Variants in BRF1 observed in about 807,000 individuals in gnomAD.
BRF1 encodes transcription factor IIIB 90 kDa subunit.
BRF1 carries 59 observed loss-of-function variants against 81.7 expected under a neutral mutation model. The ratio of observed to expected loss-of-function variants is 0.72; its 90% CI spans 0.59 to 0.90. The LOEUF (loss-of-function observed/expected upper bound fraction) is 0.90. Among genes scored for constraint, BRF1 ranks in the 40% least tolerant of loss-of-function variants. BRF1 has a pLI of 0.00. For missense variants in BRF1, 1,050 were observed against 936.3 expected (o/e 1.12, Z -1.58); for synonymous variants, 491 against 395.6 (o/e 1.24, Z -2.86).
chr14:105,285,814 C>A (rs1226987624), intron 2 of BRF1, among the ~76,000 whole-genome samples: 1 of 152,226 alleles, frequency 6.6e-6, no homozygotes, highest in Non-Finnish European at 1.5e-5. Context: ...CATAAAATCA[C>A]ACATCCGATA....
intron 16 of BRF1, chr14:105,211,502 C>T: frequency 3.5e-6 from 2 of 563,858 alleles, no homozygotes; most frequent in Non-Finnish European, 6.2e-6. Context: ...AAGATCCCAC[C>T]CTCAGGCCTC....
intron 5 of BRF1, among the ~76,000 whole-genome samples, chr14:105,246,584 C>T (rs2055125165): frequency 1.3e-5 from 2 of 152,138 alleles, no homozygotes; most frequent in South Asian, 4.1e-4. Flanking sequence ...ATTCTCCTTC[C>T]TTGGCCTCCC....
At chr14:105,300,170 C>T (rs1555392721) in intron 1 of BRF1, among the ~76,000 whole-genome samples, 1 of 152,264 alleles carries the variant, frequency 6.6e-6, no homozygotes, top group Non-Finnish European at 1.5e-5. Context: ...GAGGGGCCTT[C>T]TGGGCTCCCC....
At chr14:105,249,298 C>CCGGGCTG in intron 5 of BRF1, 1 of 1,579,002 alleles carries the variant, frequency 6.3e-7, no homozygotes, top group Non-Finnish European at 8.6e-7. Flanking sequence ...GCCCCGTCCG[C>CCGGGCTG]CGTGTGGCTG....
intron 7 of BRF1, chr14:105,227,621 C>G (rs987692130): frequency 6.6e-6 from 1 of 152,306 alleles, no homozygotes; most frequent in Admixed American, 6.5e-5. Flanking sequence ...CAAGAGAACC[C>G]CAATCCTAGG....
At chr14:105,245,464 C>T (rs1248924784) in intron 5 of BRF1, among the ~76,000 whole-genome samples, 1 of 151,958 alleles carries the variant, frequency 6.6e-6, no homozygotes, top group East Asian at 1.9e-4. Flanking sequence ...GGCAAAGGGA[C>T]TAATAAGAAA....
At chr14:105,270,750 C>T (rs1396114139) in intron 3 of BRF1, among the ~76,000 whole-genome samples, 1 of 151,596 alleles carries the variant, frequency 6.6e-6, no homozygotes, top group African/African-American at 2.4e-5. Flanking sequence ...GAGATACTAC[C>T]ACTGCACTCC....
chr14:105,211,088 C>A, intron 17 of BRF1, 34 bp downstream of exon 17: 1 of 1,609,502 alleles, frequency 6.2e-7, no homozygotes, highest in South Asian at 1.1e-5. Context: ...CTTTATTTCC[C>A]TTGAACCCCT....
chr14:105,314,275 G>GGGGGCGGGGAGACTCGGGGC (rs1261102856), intron 1 of BRF1: 36 of 152,244 alleles, frequency 2.4e-4, no homozygotes, highest in African/African-American at 8.7e-4. Context: ...GCGAGGGCAG[G>GGGGGCGGGGAGACTCGGGGC]GGGGCGGGGA....
At chr14:105,287,633 G>A (rs961285318) in intron 1 of BRF1, among the ~76,000 whole-genome samples, 1 of 152,204 alleles carries the variant, frequency 6.6e-6, no homozygotes, top group Admixed American at 6.5e-5. Context: ...GCCCTCCAGG[G>A]AAACCATGAG....
At chr14:105,272,691 C>T in intron 3 of BRF1, 30 bp downstream of exon 3, 1 of 1,568,820 alleles carries the variant, frequency 6.4e-7, no homozygotes, top group African/African-American at 1.3e-5. Context: ...AAGATGGGGC[C>T]CTCTGGGAGG....
Position 105,209,320 on chromosome 14 carries a change from C to G in BRF1, c.*1231G>C. On this transcript the variant is annotated 3_prime_UTR_variant, in exon 18 of 18. Coordinates refer to ENST00000547530, the MANE Select transcript of BRF1 (RefSeq NM_001519.4). ...AGTAACAACAGATCTTCCTGCTTTACTAAATCTATTCTTCCCCCAAGCCCT... is the reference window on the plus strand; with the variant it reads ...AGTAACAACAGATCTTCCTGCTTTAGTAAATCTATTCTTCCCCCAAGCCCT... 1.8e-6 allele frequency: 1 copy of G among 546,194 alleles called. No individual in the cohort carries two copies. The highest frequency in any genetic ancestry group is 3.3e-6 in the Non-Finnish European group (1 of 305,530). 33.8% of individuals were successfully genotyped at this position (546,194 alleles called of 1,614,324 possible).
At chr14:105,285,358 T>C (rs1228821432) in intron 2 of BRF1, among the ~76,000 whole-genome samples, 1 of 152,372 alleles carries the variant, frequency 6.6e-6, no homozygotes, top group South Asian at 2.1e-4. Context: ...AATGAGCTTT[T>C]AGGTTTACGG....
intron 5 of BRF1, chr14:105,248,338 G>A: frequency 1.0e-6 from 1 of 985,462 alleles, no homozygotes; most frequent in Non-Finnish European, 1.2e-6. Context: ...CTGAAGAACG[G>A]GCGCAAGCAC....
chr14:105,246,376 T>G (rs2055106996), intron 5 of BRF1, among the ~76,000 whole-genome samples: 1 of 151,894 alleles, frequency 6.6e-6, no homozygotes, highest in Non-Finnish European at 1.5e-5. Flanking sequence ...ATGACCATTA[T>G]CACAAACAAA....
intron 1 of BRF1, among the ~76,000 whole-genome samples, chr14:105,288,517 T>G (rs929723626): frequency 6.6e-6 from 1 of 151,404 alleles, no homozygotes; most frequent in African/African-American, 2.4e-5. Flanking sequence ...TGGCCGGGCA[T>G]GGTGGCTCAC....
rs755887259 is a variant in BRF1 at position 105,219,197 on chromosome 14, G to A, written c.1413C>T (p.Ala471=). 1.7e-5 allele frequency: 28 copies of A among 1,612,612 alleles called. No homozygotes were observed. The highest frequency in any genetic ancestry group is 7.7e-5 in the South Asian group (7 of 91,066). The change falls in exon 13 of 18, where the codon GCC becomes GCT. Residue 471 remains alanine, a synonymous_variant. Transcript: ENST00000547530. The part of the protein sequence containing the change: ...ILNESEARVK[A]ELWMRENAEY... Reference sequence around the variant, plus strand: ...CGGCGTTCTCCCTCATCCACAGCTCGGCCTTCACGCGGGCTTCCGACTCAT... The same window carrying A: ...CGGCGTTCTCCCTCATCCACAGCTCAGCCTTCACGCGGGCTTCCGACTCAT...
At chr14:105,246,018 T>A (rs1255024694) in intron 5 of BRF1, among the ~76,000 whole-genome samples, 1 of 152,114 alleles carries the variant, frequency 6.6e-6, no homozygotes, top group Non-Finnish European at 1.5e-5. Flanking sequence ...AAACCATCTA[T>A]CTCATAAGGG....
At chr14:105,299,696 T>C (rs1469154888) in intron 1 of BRF1, among the ~76,000 whole-genome samples, 1 of 152,184 alleles carries the variant, frequency 6.6e-6, no homozygotes, top group Non-Finnish European at 1.5e-5. Flanking sequence ...AATACCACTA[T>C]GATGAGATGC....
Sources: gnomAD v4.1 joint callset for allele counts (sites outside exome capture counted in the v4.1 genomes callset) on GRCh38, gnomAD v4.1.1 for gene constraint, MANE v1.5 for transcripts, NCBI Gene and HGNC (gene_info 2026-07-23, HGNC 2026-07-21) for gene names.